The following FAXDC2 variants were observed in gnomAD, a reference collection of about 807,000 sequenced individuals.
The protein encoded by FAXDC2 is fatty acid hydroxylase domain containing 2.
In FAXDC2, 41 loss-of-function variants were observed where a neutral mutation model predicts 40.9. The ratio of observed to expected loss-of-function variants is 1.00; its 90% CI spans 0.78 to 1.30. The LOEUF is 1.30. Ranked by LOEUF, FAXDC2 falls within the 50% of genes most tolerant of loss-of-function variation. The probability of loss-of-function intolerance (pLI) is 0.00; values close to 1 mark genes in which losing one functional copy is unlikely to be tolerated. For missense variants in FAXDC2, 390 were observed against 408.8 expected, an observed-to-expected ratio of 0.95 and a Z score of 0.40; for synonymous variants, 157 against 149.3, an observed-to-expected ratio of 1.05 and a Z score of -0.38.
At chr5:154,827,428 T>TGTGTGTGTGTG (rs1177844655) in intron 5 of FAXDC2, among the ~76,000 whole-genome samples, 4 of 145,846 alleles carry the variant, frequency 2.7e-5, no homozygotes, top group Non-Finnish European at 6.0e-5. Context: ...ATTTTGTGTG[T>TGTGTGTGTGTG]GTGTGTGTGT....
chr5:154,843,365 C>T (rs956009234), intron 1 of FAXDC2, among the ~76,000 whole-genome samples: 2 of 152,180 alleles, frequency 1.3e-5, no homozygotes, highest in Admixed American at 1.3e-4. Flanking sequence ...CTCATCCATT[C>T]CTTCCAAAAA....
intron 4 of FAXDC2, chr5:154,831,358 AT>A (rs2113143091): frequency 6.4e-6 from 1 of 155,398 alleles, no homozygotes; most frequent in Admixed American, 6.3e-5. Flanking sequence ...AGGAAACTTA[AT>A]CCCTGTCATC....
rs1314451344 is a variant in FAXDC2, at chr5:154,819,421, T to C, written c.*895A>G. 2 of 152,162 alleles carry C rather than the reference T, an allele frequency of 1.3e-5. No homozygotes were observed. The highest frequency in any genetic ancestry group is 2.9e-5 in the Non-Finnish European group (2 of 68,038). The allele number at this position is 152,162 out of a possible 1,614,324, so 9.4% of individuals were successfully genotyped here. ...TTTGCTCTGCCATGTTTTTCCGGGC[T>C]CTTTCTTCGGGGAGAAAGAGGGCTC... On this transcript the variant is annotated 3_prime_UTR_variant, in exon 9 of 9. Transcript: ENST00000326080.
rs1582517694 is a variant in FAXDC2, at chr5:154,821,394, T to C, written c.711A>G (p.Pro237=). Residue 237 remains proline (P), a synonymous_variant, in exon 8 of 9, where the codon CCA becomes CCG. Transcript: ENST00000326080. ...AGGACAAGTGGGAGCCCATTACTAATGGGCCCACTATCACCGGTAGCATGT... is the reference window on the plus strand; with the variant it reads ...AGGACAAGTGGGAGCCCATTACTAACGGGCCCACTATCACCGGTAGCATGT... ...VSNMLPVIVG[P]LVMGSHLSSI... 6.2e-7 allele frequency: 1 copy of C among 1,612,648 alleles called. No individual in the cohort carries two copies. The highest frequency in any genetic ancestry group is 2.2e-5 in the East Asian group (1 of 44,746).
chr5:154,824,052 T>A (rs1759956561), intron 5 of FAXDC2: 1 of 219,632 alleles, frequency 4.6e-6, no homozygotes, highest in African/African-American at 2.3e-5. Context: ...CCTCCTCAAG[T>A]GGTCCAGCCT....
chr5:154,833,218 A>C (rs1760236909), intron 4 of FAXDC2, among the ~76,000 whole-genome samples: 1 of 147,612 alleles, frequency 6.8e-6, no homozygotes, highest in African/African-American at 2.5e-5. Flanking sequence ...TTGTACTTTT[A>C]GTAGAGACAG....
At chr5:154,842,236 C>T (rs1380131814) in intron 1 of FAXDC2, among the ~76,000 whole-genome samples, 1 of 152,010 alleles carries the variant, frequency 6.6e-6, no homozygotes, top group African/African-American at 2.4e-5. Context: ...CTCACTCTGT[C>T]ACCTAGGCTG....
At chr5:154,832,307 G>A (rs1760213266) in intron 4 of FAXDC2, among the ~76,000 whole-genome samples, 1 of 150,212 alleles carries the variant, frequency 6.7e-6, no homozygotes, top group African/African-American at 2.4e-5. Flanking sequence ...TCTGCCTCCC[G>A]GGTTCACGCC....
At chr5:154,837,643 CG>C (rs1760383873) in intron 2 of FAXDC2, among the ~76,000 whole-genome samples, 1 of 152,038 alleles carries the variant, frequency 6.6e-6, no homozygotes, top group African/African-American at 2.4e-5. Flanking sequence ...GATATTTGTT[CG>C]GGGATGTTGG....
chr5:154,838,259 G>T, intron 1 of FAXDC2, 81 bp from the exon 2 acceptor site: 4 of 1,272,818 alleles, frequency 3.1e-6, no homozygotes, highest in Non-Finnish European at 4.4e-6. Context: ...AAGTCAAAGT[G>T]TATGGCTAGC....
chr5:154,828,301 G>A (rs1430496112), intron 5 of FAXDC2, among the ~76,000 whole-genome samples: 1 of 151,572 alleles, frequency 6.6e-6, no homozygotes, highest in South Asian at 2.1e-4. Context: ...GGTTTTTTTT[G>A]TTTTGTTTTG....
intron 3 of FAXDC2, 45 bp from the exon 4 acceptor site, chr5:154,834,773 C>T (rs1230812549): frequency 6.3e-7 from 1 of 1,595,032 alleles, no homozygotes; most frequent in Admixed American, 1.7e-5. Context: ...AGTGGGTGGA[C>T]AGCTCCTTCC....
chr5:154,826,745 A>G (rs1217336577), intron 5 of FAXDC2, among the ~76,000 whole-genome samples: 1 of 152,130 alleles, frequency 6.6e-6, no homozygotes, highest in Non-Finnish European at 1.5e-5. Context: ...GAGGAGGTTT[A>G]TAGAGAAAAT....
chr5:154,838,094 A>C (rs1189366019), intron 2 of FAXDC2, 37 bp downstream of exon 2: 2 of 1,411,300 alleles, frequency 1.4e-6, no homozygotes, highest in East Asian at 2.3e-5. Flanking sequence ...CACTGACTAC[A>C]TTCTCACCAG....
At chr5:154,845,285 G>A (rs962491499) in intron 1 of FAXDC2, among the ~76,000 whole-genome samples, 1 of 152,320 alleles carries the variant, frequency 6.6e-6, no homozygotes, top group East Asian at 1.9e-4. Flanking sequence ...GGTAGGCAGT[G>A]GGTCTTCACC....
At chr5:154,827,421 TTGTGTG>T (rs10528622) in intron 5 of FAXDC2, among the ~76,000 whole-genome samples, 1,655 of 138,676 alleles carry the variant, frequency 0.012, 15 homozygotes, top group African/African-American at 0.029. Flanking sequence ...TTCTGTTATT[TTGTGTG>T]TGTGTGTGTG....
rs1221734320 is a variant in FAXDC2, at chr5:154,834,880, G to A, written c.103C>T (p.Leu35Phe). The A allele has an allele frequency of 6.2e-7, 1 of 1,608,828 alleles. No homozygotes were observed. The highest frequency in any genetic ancestry group is 8.5e-7 in the Non-Finnish European group (1 of 1,176,628). Residue 35 changes from leucine (L) to phenylalanine (F), a missense_variant, in exon 3 of 9, where the codon CTT becomes TTT. Leu to Phe is a conservative substitution (Grantham distance 22). Transcript: ENST00000326080. ...RRTAFILGSG[L>F]LSFVAFWNSV... is the part of the protein sequence containing the mutation. ...TTCCAGAAGGCCACAAATGAGAGAAGTCCAGAGCCCAGGATGAAAGCTGTC... is the reference window on the plus strand; with the variant it reads ...TTCCAGAAGGCCACAAATGAGAGAAATCCAGAGCCCAGGATGAAAGCTGTC...
At chr5:154,822,198 CA>C (rs1759906810) in intron 7 of FAXDC2, 3 of 334,334 alleles carry the variant, frequency 9.0e-6, no homozygotes, top group Admixed American at 8.8e-5. Context: ...TTGGAGGCTG[CA>C]GTGAGCTATG....
chr5:154,849,482 CA>C (rs1428659817), intron 1 of FAXDC2, among the ~76,000 whole-genome samples: 5 of 152,092 alleles, frequency 3.3e-5, no homozygotes, highest in Admixed American at 3.3e-4. Flanking sequence ...TCCACAGAAT[CA>C]AGCCCAAGCC....
Sources: allele counts gnomAD v4.1 joint callset (sites outside exome capture counted in the v4.1 genomes callset), GRCh38; gene constraint gnomAD v4.1.1; transcripts MANE v1.5; gene names NCBI Gene and HGNC (gene_info 2026-07-23, HGNC 2026-07-21).